Variants in F8 observed in about 807,000 individuals in gnomAD.
F8 encodes coagulation factor VIII.
Under a neutral mutation model 140.6 loss-of-function variants are expected in F8, and 12 were observed. The ratio of observed to expected loss-of-function variants is 0.09; its 90% CI spans 0.05 to 0.14. The LOEUF (loss-of-function observed/expected upper bound fraction) is 0.14, where lower values mean the gene tolerates loss of function less well. Ranked by LOEUF, F8 falls within the 10% of genes least tolerant of loss-of-function variation. The probability of loss-of-function intolerance (pLI) is 1.00; values close to 1 mark genes in which losing one functional copy is unlikely to be tolerated. For missense variants in F8, 1,354 were observed against 1,720.7 expected, an observed-to-expected ratio of 0.79 and a Z score of 3.77; for synonymous variants, 585 against 614.6, an observed-to-expected ratio of 0.95 and a Z score of 0.71.
At chrX:154,853,787 G>A (rs1261538335) in intron 25 of F8, among the ~76,000 whole-genome samples, 2 of 111,517 alleles carry the variant, frequency 1.8e-5, no homozygotes, top group Admixed American at 9.6e-5. Context: ...TCACCTCTCC[G>A]CTATGATTTC....
chrX:154,972,306 C>T (rs1323183374), intron 6 of F8, among the ~76,000 whole-genome samples: 1 of 111,399 alleles, frequency 9.0e-6, no homozygotes, highest in Non-Finnish European at 1.9e-5. Flanking sequence ...ACCTGTTGGC[C>T]ATTTGTAGGT....
At chrX:154,880,143 A>G (rs920771600) in intron 22 of F8, among the ~76,000 whole-genome samples, 3 of 112,240 alleles carry the variant, frequency 2.7e-5, no homozygotes, top group African/African-American at 9.7e-5. Flanking sequence ...TCTGCAATTT[A>G]AAACATCTGT....
chrX:154,969,203 G>C (rs1234947824), intron 7 of F8, 128 bp downstream of exon 7: 1 of 621,744 alleles, frequency 1.6e-6, no homozygotes, highest in Non-Finnish European at 2.5e-6. Context: ...TCTTGGCTGA[G>C]GTCTAATACA....
chrX:154,982,145 C>T (rs1007780961), intron 6 of F8, among the ~76,000 whole-genome samples: 1 of 107,169 alleles, frequency 9.3e-6, no homozygotes, highest in African/African-American at 3.4e-5. Context: ...GATTGTGCCA[C>T]TGCACTCCAG....
chrX:154,991,506 G>A (rs2124139199), intron 4 of F8, among the ~76,000 whole-genome samples: 1 of 112,301 alleles, frequency 8.9e-6, no homozygotes, highest in Admixed American at 9.4e-5. Context: ...GAAATAAAGG[G>A]TGGAGTGTGT....
intron 22 of F8, among the ~76,000 whole-genome samples, chrX:154,890,262 TCTG>T: frequency 9.2e-6 from 1 of 109,028 alleles, no homozygotes; most frequent in Middle Eastern, 4.6e-3. Flanking sequence ...TGGGCCAAAT[TCTG>T]GGGCTATAGT....
intron 25 of F8, among the ~76,000 whole-genome samples, chrX:154,843,365 G>A (rs1484886270): frequency 3.6e-5 from 4 of 111,962 alleles, no homozygotes; most frequent in Admixed American, 9.4e-5. Context: ...TTGAGGAATC[G>A]CCACACTGTC....
chrX:154,964,530 G>A (rs782106211), intron 9 of F8, among the ~76,000 whole-genome samples: 1 of 111,598 alleles, frequency 9.0e-6, no homozygotes, highest in South Asian at 3.7e-4. Context: ...GATTAGTTAA[G>A]GAGAATTAAA....
intron 1 of F8, among the ~76,000 whole-genome samples, chrX:155,006,785 A>C (rs1241770429): frequency 5.5e-5 from 1 of 18,026 alleles, no homozygotes; most frequent in Non-Finnish European, 1.1e-4. Context: ...GCATTAATTC[A>C]CATAAAGTAT....
At chrX:154,923,685 G>A (rs1454675473) in intron 14 of F8, among the ~76,000 whole-genome samples, 1 of 112,018 alleles carries the variant, frequency 8.9e-6, no homozygotes, top group East Asian at 2.8e-4. Flanking sequence ...AAATACTGTG[G>A]ACTTTTGAGT....
intron 25 of F8, among the ~76,000 whole-genome samples, chrX:154,841,241 T>C (rs1234206552): frequency 2.0e-5 from 2 of 98,747 alleles, no homozygotes; most frequent in African/African-American, 7.8e-5. Context: ...TGAGACAGGG[T>C]TTCTCTCTGG....
intron 3 of F8, among the ~76,000 whole-genome samples, chrX:154,995,544 CAGA>C (rs1194402833): frequency 1.8e-5 from 2 of 111,966 alleles, no homozygotes; most frequent in Non-Finnish European, 3.8e-5. Flanking sequence ...TTTCCTTGGA[CAGA>C]AGAACTTGGC....
chrX:154,899,460 T>C (rs1206256066), intron 21 of F8, among the ~76,000 whole-genome samples: 1 of 112,484 alleles, frequency 8.9e-6, no homozygotes, highest in Non-Finnish European at 1.9e-5. Context: ...TTTCACATTT[T>C]TGAAAACGTG....
intron 1 of F8, among the ~76,000 whole-genome samples, chrX:155,013,025 C>T (rs5945272): frequency 9.3e-6 from 1 of 107,370 alleles, no homozygotes; most frequent in African/African-American, 3.4e-5. Flanking sequence ...GGGCGCCTGT[C>T]GTCCCAGCTA....
Position 154,940,234 on chromosome X carries a change from T to A in F8, c.2113+7464A>T, listed in dbSNP as rs140759512. 5.3e-3 allele frequency among the ~76,000 whole-genome samples: 584 copies of A among 110,981 alleles called. 5 individuals are homozygous for A. Among genetic ancestry groups the A allele is most frequent in the African/African-American group, 0.018 (559 of 30,514 alleles). ...ACTACTCCGAGCTAAAGGAAGAAGT[T>A]CGAACCAATGGCAAAGAAGTTATAA... On this transcript the variant is annotated intron_variant, in intron 13 of 25. Transcript: ENST00000360256.
intron 22 of F8, among the ~76,000 whole-genome samples, chrX:154,872,152 G>C (rs782594595): frequency 2.2e-4 from 25 of 111,773 alleles, no homozygotes; most frequent in African/African-American, 7.5e-4. Context: ...ATTCCTCAAG[G>C]ATCTAGAACT....
chrX:154,979,502 A>G (rs2073505800), intron 6 of F8, among the ~76,000 whole-genome samples: 1 of 111,209 alleles, frequency 9.0e-6, no homozygotes, highest in African/African-American at 3.3e-5. Flanking sequence ...CGAGGTCACT[A>G]GCAAAATGCT....
At chrX:154,913,008 AT>A in intron 14 of F8, among the ~76,000 whole-genome samples, 1 of 110,911 alleles carries the variant, frequency 9.0e-6, no homozygotes, top group Non-Finnish European at 1.9e-5. Flanking sequence ...ACACATGGGG[AT>A]TATTTTGCCT....
intron 7 of F8, among the ~76,000 whole-genome samples, chrX:154,967,074 G>A (rs1344266965): frequency 9.0e-6 from 1 of 111,380 alleles, no homozygotes; most frequent in African/African-American, 3.3e-5. Context: ...TTTCAGTGAA[G>A]ATAAATATCC....
Sources: gnomAD v4.1 joint callset for allele counts (sites outside exome capture counted in the v4.1 genomes callset) on GRCh38, gnomAD v4.1.1 for gene constraint, MANE v1.5 for transcripts, NCBI Gene and HGNC (gene_info 2026-07-23, HGNC 2026-07-21) for gene names.